The following USP45 variants were observed in gnomAD, a reference collection of about 807,000 sequenced individuals.
The protein encoded by USP45 is ubiquitin carboxyl-terminal hydrolase 45.
In USP45, 89 loss-of-function variants were observed where a neutral mutation model predicts 95.8. That is an observed-to-expected ratio of 0.93 (90% confidence interval 0.78 to 1.11). The LOEUF (loss-of-function observed/expected upper bound fraction) is 1.11, where lower values mean the gene tolerates loss of function less well. USP45 is among the 50% of genes least tolerant of loss of function. The probability of loss-of-function intolerance (pLI) is 0.00; values close to 1 mark genes in which losing one functional copy is unlikely to be tolerated. For synonymous variants in USP45, 281 were observed against 316.2 expected (o/e 0.89, Z 1.18); for missense variants, 898 against 942.5 (o/e 0.95, Z 0.62).
intron 3 of USP45, among the ~76,000 whole-genome samples, chr6:99,508,194 T>C (rs1798959336): frequency 2.4e-5 from 1 of 42,136 alleles, no homozygotes; most frequent in South Asian, 2.6e-3. Flanking sequence ...ATACTTTTAA[T>C]TTCATTAAAA....
At chr6:99,446,569 G>A in intron 13 of USP45, 106 bp from the exon 14 acceptor site, 1 of 1,087,862 alleles carries the variant, frequency 9.2e-7, no homozygotes, top group Non-Finnish European at 1.3e-6. Context: ...ATTTCTCTCA[G>A]ATCCATTTCC....
chr6:99,511,233 C>T (rs918624533), intron 1 of USP45, among the ~76,000 whole-genome samples: 2 of 151,996 alleles, frequency 1.3e-5, no homozygotes, highest in Non-Finnish European at 2.9e-5. Flanking sequence ...CTCACTGCAA[C>T]CTCCACGTCC....
Position 99,440,466 on chromosome 6 carries a change from T to C in USP45, c.2074-611A>G, listed in dbSNP as rs557253816. Among the ~76,000 whole-genome samples the C allele has an allele frequency of 3.9e-5, 6 of 152,246 alleles. No individual in the cohort carries two copies. In the East Asian group the frequency reaches 7.7e-4, roughly 20 times the overall value. ...TATGCTTTGCATTATGTAATGGTAA[T>C]AAAAACTAGCTAATAAAATATCAAA... On this transcript the variant is annotated intron_variant, in intron 15 of 17. Coordinates refer to ENST00000500704, the MANE Select transcript of USP45 (RefSeq NM_001346022.3).
At chr6:99,514,342 C>T (rs984239635) in intron 1 of USP45, among the ~76,000 whole-genome samples, 25 of 152,132 alleles carry the variant, frequency 1.6e-4, no homozygotes, top group African/African-American at 6.0e-4. Flanking sequence ...GACTTGGTGT[C>T]CCGGATTTTT....
chr6:99,504,220 A>T (rs2128790028), intron 4 of USP45, among the ~76,000 whole-genome samples: 1 of 152,284 alleles, frequency 6.6e-6, no homozygotes, highest in Non-Finnish European at 1.5e-5. Context: ...AGCTCACTGC[A>T]GCCTCTGCCT....
chr6:99,466,683 C>T lies in USP45; in HGVS notation c.1096G>A (p.Glu366Lys), dbSNP rs1382156953. 2.5e-6 allele frequency: 4 copies of T among 1,613,122 alleles called. No individual in the cohort carries two copies. Among genetic ancestry groups the T allele is most frequent in the Non-Finnish European group, 2.5e-6 (3 of 1,179,402 alleles). Residue 366 changes from glutamate (E) to lysine (K), a missense_variant, in exon 11 of 18, where the codon GAA becomes AAA. By Grantham distance (56) the Glu-to-Lys change is moderately conservative. Transcript: ENST00000500704. ...GELTSTVMCE[E>K]CANISTVKDP... Reference sequence around the variant, plus strand: ...TCTAAAGTACCTACATTTGCACATTCTTCACACATGACCGTGCTAGTTAAT... The same window carrying T: ...TCTAAAGTACCTACATTTGCACATTTTTCACACATGACCGTGCTAGTTAAT...
intron 14 of USP45, among the ~76,000 whole-genome samples, chr6:99,445,577 AG>A (rs1329958881): frequency 6.6e-6 from 1 of 152,146 alleles, no homozygotes; most frequent in Non-Finnish European, 1.5e-5. Context: ...TGCATTTTCA[AG>A]GCAGAGTTGT....
At position 99,488,687 on chromosome 6, in the gene USP45, G is replaced by A. The variant is rs1487260892; in HGVS notation, c.612C>T (p.Val204=). 6.3e-7 allele frequency: 1 copy of A among 1,598,718 alleles called. No homozygotes were observed. ...GCTTTCTGATGACTCTTACCTGCAT[G>A]ACTGCATTAAAAAAGCAAGTATTTC... is the stretch of plus-strand genomic sequence containing the variant. ...NLGNTCFFNA[V]MQNLAQTYTL... is the part of the protein sequence containing the mutation. Residue 204 remains valine, a synonymous_variant, in exon 6 of 18, where the codon GTC becomes GTT. Transcript: ENST00000500704.
chr6:99,484,365 A>AG lies in USP45; in HGVS notation c.715-1483dup, dbSNP rs563091347. 8.2e-4 allele frequency among the ~76,000 whole-genome samples: 117 copies of AG among 142,446 alleles called. 1 individual carries two copies. The East Asian group carries it at 0.02, about 24-fold the overall frequency. 93.5% of individuals were successfully genotyped at this position (142,446 alleles called of 152,430 possible). ...AAAATTTTTGTAGAGACGGGGGTAG[A>AG]GGGGGGGTCTCACTTTGTTGCCCAG... On this transcript the variant is annotated intron_variant, in intron 7 of 17. Transcript: ENST00000500704.
intron 5 of USP45, among the ~76,000 whole-genome samples, chr6:99,502,959 G>A (rs1797714294): frequency 6.6e-6 from 1 of 152,164 alleles, no homozygotes; most frequent in Non-Finnish European, 1.5e-5. Flanking sequence ...TGCACAACAT[G>A]TGGAACTGTG....
At chr6:99,488,656 T>C (rs761792221) in intron 6 of USP45, 25 bp downstream of exon 6, 1 of 1,587,482 alleles carries the variant, frequency 6.3e-7, no homozygotes, top group Admixed American at 1.9e-5. Flanking sequence ...TTTTACATAT[T>C]ACAAAGCTTT....
intron 1 of USP45, among the ~76,000 whole-genome samples, chr6:99,511,388 C>T (rs1010036667): frequency 6.6e-6 from 1 of 151,636 alleles, no homozygotes; most frequent in Non-Finnish European, 1.5e-5. Context: ...CTCCTGACCT[C>T]GTGATCCGCC....
intron 8 of USP45, chr6:99,482,326 A>G (rs1792634576): frequency 6.4e-6 from 1 of 156,598 alleles, no homozygotes; most frequent in Non-Finnish European, 1.4e-5. Flanking sequence ...ACATACTGTA[A>G]TACCTTGAGA....
chr6:99,439,952 T>C, intron 15 of USP45, 97 bp from the exon 16 acceptor site: 1 of 843,678 alleles, frequency 1.2e-6, no homozygotes, highest in East Asian at 2.9e-5. Flanking sequence ...GACTTAGTTT[T>C]TTCATAGATA....
At chr6:99,481,034 A>T (rs990939064) in intron 8 of USP45, among the ~76,000 whole-genome samples, 2 of 152,080 alleles carry the variant, frequency 1.3e-5, no homozygotes, top group African/African-American at 4.8e-5. Context: ...TGAGCCCAGG[A>T]ATTCGACTAT....
At chr6:99,462,672 T>G in intron 13 of USP45, 1 of 985,614 alleles carries the variant, frequency 1.0e-6, no homozygotes, top group Non-Finnish European at 1.2e-6. Flanking sequence ...CTAACATAAG[T>G]CTTCTAACAG....
Position 99,446,213 on chromosome 6 carries a change from A to C in USP45, c.1559T>G (p.Phe520Cys). 1.2e-6 allele frequency: 2 copies of C among 1,614,178 alleles called. No homozygotes were observed. The highest frequency in any genetic ancestry group is 1.7e-6 in the Non-Finnish European group (2 of 1,180,028). Residue 520 changes from phenylalanine (F) to cysteine (C), a missense_variant, in exon 14 of 18, where the codon TTC (phenylalanine) becomes TGC (cysteine). Phe to Cys is a radical substitution (Grantham distance 205). Coordinates refer to ENST00000500704, the MANE Select transcript of USP45 (RefSeq NM_001346022.3). Reference sequence around the variant, plus strand: ...CACACCGGATCCACTACTGGATCTGAACAGCCCAGTCTGCTTTGAAGCACT... The same window carrying C: ...CACACCGGATCCACTACTGGATCTGCACAGCCCAGTCTGCTTTGAAGCACT... Reference protein sequence around the residue: ...SESASKQTGLFRSSSGSGVQP... With the variant: ...SESASKQTGLCRSSSGSGVQP...
Position 99,466,697 on chromosome 6 carries a change from G to A in USP45, c.1082C>T (p.Thr361Met), listed in dbSNP as rs199619771. The A allele has an allele frequency of 5.3e-5, 86 of 1,613,312 alleles. No individual in the cohort carries two copies. The highest frequency in any genetic ancestry group is 3.8e-4 in the East Asian group (17 of 44,726). The change falls in exon 11 of 18, where the codon ACG becomes ATG. Residue 361 changes from threonine to methionine, a missense_variant. Physicochemically the swap from Thr to Met is moderately conservative, Grantham distance 81 (BLOSUM62 -1). Transcript: ENST00000500704. ...DRIFIGELTS[T>M]VMCEECANIS... is the part of the protein sequence containing the mutation. Reference sequence around the variant, plus strand: ...ATTTGCACATTCTTCACACATGACCGTGCTAGTTAATTCACCAATAAAGAT... The same window carrying A: ...ATTTGCACATTCTTCACACATGACCATGCTAGTTAATTCACCAATAAAGAT...
intron 13 of USP45, among the ~76,000 whole-genome samples, chr6:99,455,034 G>A (rs1784708239): frequency 6.7e-6 from 1 of 148,318 alleles, no homozygotes; most frequent in African/African-American, 2.5e-5. Context: ...AGGTTGCAGT[G>A]AGCCAAGATC....
Sources: gnomAD v4.1 joint callset for allele counts (sites outside exome capture counted in the v4.1 genomes callset) on GRCh38, gnomAD v4.1.1 for gene constraint, MANE v1.5 for transcripts, NCBI Gene and HGNC (gene_info 2026-07-23, HGNC 2026-07-21) for gene names.